Variants in ITGA9 observed in about 807,000 individuals in gnomAD.
The protein encoded by ITGA9 is integrin alpha-9.
Under a neutral mutation model 127.8 loss-of-function variants are expected in ITGA9, and 56 were observed. The observed-to-expected ratio is 0.44, with a 90% CI of 0.35 to 0.55. The LOEUF is 0.55. Ranked by LOEUF, ITGA9 falls within the 20% of genes least tolerant of loss-of-function variation. ITGA9 has a pLI of 0.00. For synonymous variants in ITGA9, 508 were observed against 514.5 expected, an observed-to-expected ratio of 0.99 and a Z score of 0.17; for missense variants, 1,196 against 1,347.1, an observed-to-expected ratio of 0.89 and a Z score of 1.76.
intron 23 of ITGA9, among the ~76,000 whole-genome samples, chr3:37,752,460 A>G (rs954497954): frequency 6.6e-6 from 1 of 152,172 alleles, no homozygotes; most frequent in African/African-American, 2.4e-5. Flanking sequence ...CCAGCTGGAC[A>G]TGTTAAGCCA....
At chr3:37,748,958 GA>G (rs1457332474) in intron 22 of ITGA9, 2 of 616,548 alleles carry the variant, frequency 3.2e-6, no homozygotes, top group African/African-American at 1.9e-5. Flanking sequence ...AAAGAAAAAA[GA>G]AAAATCCTTA....
intron 4 of ITGA9, among the ~76,000 whole-genome samples, chr3:37,491,395 C>A (rs560288512): frequency 4.5e-4 from 69 of 152,316 alleles, no homozygotes; most frequent in Middle Eastern, 6.8e-3. Context: ...GTGGAGAGGG[C>A]ACTAGCTATT....
chr3:37,634,538 G>A (rs375887133), intron 16 of ITGA9, among the ~76,000 whole-genome samples: 3 of 152,280 alleles, frequency 2.0e-5, no homozygotes, highest in East Asian at 3.9e-4. Flanking sequence ...GATCAGTTCA[G>A]CAAGAGGACA....
intron 6 of ITGA9, among the ~76,000 whole-genome samples, chr3:37,503,995 G>C (rs374478917): frequency 9.2e-5 from 14 of 152,216 alleles, no homozygotes; most frequent in East Asian, 7.7e-4. Context: ...ATTTAGGAAG[G>C]CCTAATGATG....
Position 37,629,944 on chromosome 3 carries a change from T to C in ITGA9, c.1839+608T>C, listed in dbSNP as rs146847842. On this transcript the variant is annotated intron_variant, in intron 16 of 27. Transcript: ENST00000264741. The surrounding 1 kb of genome is among the most constrained non-coding windows in gnomAD (Gnocchi z 4.5). ...AGCAGCGCTGGCCAGCTCTGAGGCG[T>C]GCAGCACTGAGTGCGGTGCAGGAAT... 6.6e-4 allele frequency among the ~76,000 whole-genome samples: 101 copies of C among 152,312 alleles called. No homozygotes were observed. The highest frequency in any genetic ancestry group is 2.4e-3 in the African/African-American group (99 of 41,566).
At chr3:37,678,553 A>G (rs1247794200) in intron 17 of ITGA9, among the ~76,000 whole-genome samples, 1 of 152,218 alleles carries the variant, frequency 6.6e-6, no homozygotes, top group Non-Finnish European at 1.5e-5. Context: ...ATGATGGTGT[A>G]ATGAGAATTT....
intron 17 of ITGA9, among the ~76,000 whole-genome samples, chr3:37,657,285 C>T (rs1278784264): frequency 2.0e-5 from 3 of 152,106 alleles, no homozygotes; most frequent in East Asian, 3.9e-4. Flanking sequence ...CTCTTTGTAC[C>T]TCTGGTAGAA....
chr3:37,663,740 A>C (rs1700559716), intron 17 of ITGA9, among the ~76,000 whole-genome samples: 1 of 152,228 alleles, frequency 6.6e-6, no homozygotes, highest in African/African-American at 2.4e-5. Flanking sequence ...ACCAAGCACT[A>C]GATACCCCAC....
In ITGA9 at chr3:37,814,294, G is replaced by A. The variant is rs1261127573; in HGVS notation, c.3010-4597G>A. 1.3e-5 allele frequency among the ~76,000 whole-genome samples: 2 copies of A among 152,180 alleles called. No homozygotes were observed. The highest frequency in any genetic ancestry group is 2.4e-5 in the African/African-American group (1 of 41,440). ...AAAATAACCTTCCCAGGCTGGGCGCGGTGGCTCACACCTGTAATCCCAGCA... is the reference window on the plus strand; with the variant it reads ...AAAATAACCTTCCCAGGCTGGGCGCAGTGGCTCACACCTGTAATCCCAGCA... On this transcript the variant is annotated intron_variant, in intron 27 of 27. Transcript: ENST00000264741. The surrounding 1 kb of genome is among the most constrained non-coding windows in gnomAD (Gnocchi z 4.3).
At chr3:37,640,571 A>C (rs562855711) in intron 16 of ITGA9, among the ~76,000 whole-genome samples, 5 of 152,286 alleles carry the variant, frequency 3.3e-5, no homozygotes, top group African/African-American at 1.2e-4. Context: ...CCTGGAGCAG[A>C]CCCAGACAAC....
chr3:37,803,459 T>C (rs988931691), intron 26 of ITGA9, among the ~76,000 whole-genome samples: 45 of 152,230 alleles, frequency 3.0e-4, no homozygotes, highest in African/African-American at 9.6e-4. Flanking sequence ...AAGCCCAGGC[T>C]GGGCTCCATC....
At chr3:37,573,640 C>T (rs1188886074) in intron 15 of ITGA9, among the ~76,000 whole-genome samples, 2 of 152,194 alleles carry the variant, frequency 1.3e-5, no homozygotes, top group African/African-American at 4.8e-5. Flanking sequence ...CAGAGCATGG[C>T]AACCTGATTC....
At chr3:37,608,467 C>A (rs577236111) in intron 15 of ITGA9, among the ~76,000 whole-genome samples, 4 of 152,236 alleles carry the variant, frequency 2.6e-5, no homozygotes, top group Non-Finnish European at 4.4e-5. Flanking sequence ...CTGTTTTCAT[C>A]ATCTTTGGTT....
intron 15 of ITGA9, among the ~76,000 whole-genome samples, chr3:37,559,226 A>G (rs928307494): frequency 5.3e-5 from 8 of 152,174 alleles, no homozygotes; most frequent in Non-Finnish European, 1.0e-4. Context: ...CTCTTGTAAT[A>G]AATCAAACTT....
At chr3:37,691,218 G>A (rs1315084562) in intron 18 of ITGA9, among the ~76,000 whole-genome samples, 1 of 152,154 alleles carries the variant, frequency 6.6e-6, no homozygotes, top group Non-Finnish European at 1.5e-5. Flanking sequence ...TGCCAGAGAG[G>A]CCCACAGGAT....
chr3:37,612,926 C>T (rs1399073419), intron 15 of ITGA9, among the ~76,000 whole-genome samples: 1 of 151,256 alleles, frequency 6.6e-6, no homozygotes, highest in African/African-American at 2.4e-5. Context: ...TGATCTGAGC[C>T]TTAAGACTTA....
chr3:37,667,642 C>T (rs1464444695), intron 17 of ITGA9, among the ~76,000 whole-genome samples: 1 of 152,222 alleles, frequency 6.6e-6, no homozygotes, highest in Non-Finnish European at 1.5e-5. Context: ...AATTGTCTTA[C>T]AAAGTAACTC....
intron 1 of ITGA9, among the ~76,000 whole-genome samples, chr3:37,453,125 C>CA (rs1057489740): frequency 3.3e-5 from 5 of 151,146 alleles, no homozygotes; most frequent in African/African-American, 1.2e-4. Flanking sequence ...GCCCCCCCCC[C>CA]CCCCCAGCTC....
intron 15 of ITGA9, among the ~76,000 whole-genome samples, chr3:37,589,675 A>G (rs1699793856): frequency 6.6e-6 from 1 of 152,202 alleles, no homozygotes; most frequent in South Asian, 2.1e-4. Flanking sequence ...AGAGCATTCC[A>G]GGCAGCGGAA....
Sources: gnomAD v4.1 joint callset for allele counts (sites outside exome capture counted in the v4.1 genomes callset) on GRCh38, gnomAD v4.1.1 for gene constraint, Gnocchi (gnomAD v3.1) non-coding constraint, MANE v1.5 for transcripts, NCBI Gene and HGNC (gene_info 2026-07-23, HGNC 2026-07-21) for gene names.